Variants in FBXO11 observed in about 807,000 individuals in gnomAD.
The protein encoded by FBXO11 is F-box protein 11, also known as F-box only protein 11.
FBXO11 carries 13 observed loss-of-function variants against 117.0 expected under a neutral mutation model. That is an observed-to-expected ratio of 0.11 (90% CI 0.07 to 0.18). The LOEUF (loss-of-function observed/expected upper bound fraction) is 0.18. FBXO11 is among the 10% of genes least tolerant of loss of function. FBXO11 has a pLI of 1.00. For missense variants in FBXO11, 767 were observed against 1,164.4 expected (o/e 0.66, Z 4.97); for synonymous variants, 490 against 380.5 (o/e 1.29, Z -3.35).
intron 15 of FBXO11, 21 bp from the exon 16 acceptor site, chr2:47,818,885 A>AG: frequency 6.3e-7 from 1 of 1,576,402 alleles, no homozygotes; most frequent in East Asian, 2.2e-5. Flanking sequence ...AAAAAAAAAA[A>AG]AAAGCTTTTT....
At chr2:47,858,815 C>T (rs949672227) in intron 1 of FBXO11, among the ~76,000 whole-genome samples, 11 of 151,220 alleles carry the variant, frequency 7.3e-5, no homozygotes, top group East Asian at 1.9e-4. Flanking sequence ...GAGGCCAAGA[C>T]GGTTGGATCA....
At chr2:47,868,848 A>T (rs1466548423) in intron 1 of FBXO11, among the ~76,000 whole-genome samples, 1 of 152,144 alleles carries the variant, frequency 6.6e-6, no homozygotes, top group Non-Finnish European at 1.5e-5. Context: ...ATTACACTGG[A>T]CCATTTCCAT....
chr2:47,898,853 G>GA (rs1385294790), intron 1 of FBXO11, among the ~76,000 whole-genome samples: 1 of 151,994 alleles, frequency 6.6e-6, no homozygotes, highest in Non-Finnish European at 1.5e-5. Flanking sequence ...CTTGTTTATA[G>GA]AAAGATTAGG....
At chr2:47,880,120 C>A (rs888222062) in intron 1 of FBXO11, among the ~76,000 whole-genome samples, 1 of 151,940 alleles carries the variant, frequency 6.6e-6, no homozygotes, top group African/African-American at 2.4e-5. Flanking sequence ...CACAGCCTCC[C>A]GAGTTGCTGG....
At chr2:47,817,834 A>T (rs1163044099) in intron 16 of FBXO11, among the ~76,000 whole-genome samples, 2 of 152,250 alleles carry the variant, frequency 1.3e-5, no homozygotes, top group Non-Finnish European at 2.9e-5. Context: ...TCCCAAAACA[A>T]TTACAATAGT....
At chr2:47,904,021 G>A (rs1213362869) in intron 1 of FBXO11, among the ~76,000 whole-genome samples, 2 of 152,140 alleles carry the variant, frequency 1.3e-5, no homozygotes, top group Non-Finnish European at 2.9e-5. Flanking sequence ...ATAGCAAACT[G>A]CTTTCTCTAA....
At chr2:47,904,623 A>C (rs1040977845) in intron 1 of FBXO11, among the ~76,000 whole-genome samples, 2 of 140,840 alleles carry the variant, frequency 1.4e-5, no homozygotes, top group Non-Finnish European at 3.1e-5. Context: ...CACACACACA[A>C]AATATCCCAA....
chr2:47,808,672 A>C (rs1321114392), intron 21 of FBXO11: 2 of 397,578 alleles, frequency 5.0e-6, no homozygotes, highest in East Asian at 7.9e-5. Flanking sequence ...CCACTTTAAA[A>C]GCCTCTCAAA....
chr2:47,809,821 A>C (rs984049511), intron 19 of FBXO11, 114 bp from the exon 20 acceptor site: 2 of 642,274 alleles, frequency 3.1e-6, no homozygotes, highest in Non-Finnish European at 5.4e-6. Flanking sequence ...TAACCCTCTT[A>C]ATGTCTACTG....
chr2:47,876,571 G>T (rs1026757956), intron 1 of FBXO11, among the ~76,000 whole-genome samples: 1 of 152,194 alleles, frequency 6.6e-6, no homozygotes. Flanking sequence ...GAGGAAAGAA[G>T]ATCCTTTTAT....
Position 47,832,837 on chromosome 2 carries a change from T to C in FBXO11, c.1085A>G (p.His362Arg). The C allele has an allele frequency of 6.2e-7, 1 of 1,614,056 alleles. No homozygotes were observed. The highest frequency in any genetic ancestry group is 8.5e-7 in the Non-Finnish European group (1 of 1,179,958). Residue 362 changes from histidine to arginine, a missense_variant, in exon 9 of 23, where the codon CAC becomes CGC. Coordinates refer to ENST00000403359, the MANE Select transcript of FBXO11 (RefSeq NM_001190274.2). ...DKSAQHHNAH[H>R]CLEITVNCSP... ...ACAATTTACTGTAATCTCTAAGCAG[T>C]GGTGTGCATTGTGGTGTTGTGCAGA...
Position 47,807,663 on chromosome 2 carries a change from A to T in FBXO11, c.*455T>A. ...AAATCATATTTCTCAATCTGAATACATGTTAAAAAAAAAAAATCAAAAGGA... is the reference window on the plus strand; with the variant it reads ...AAATCATATTTCTCAATCTGAATACTTGTTAAAAAAAAAAAATCAAAAGGA... On this transcript the variant is annotated 3_prime_UTR_variant, in exon 23 of 23. Transcript: ENST00000403359. 6.1e-6 allele frequency: 1 copy of T among 163,420 alleles called. No homozygotes were observed. The highest frequency in any genetic ancestry group is 1.2e-5 in the Non-Finnish European group (1 of 85,736). The allele number at this position is 163,420 out of a possible 1,614,324, so 10.1% of individuals were successfully genotyped here. A position where few individuals can be genotyped will look rare whatever the true frequency, so the allele number is the denominator to read the frequency against.
intron 1 of FBXO11, among the ~76,000 whole-genome samples, chr2:47,881,023 G>A (rs754300081): frequency 6.6e-6 from 1 of 152,148 alleles, no homozygotes; most frequent in African/African-American, 2.4e-5. Context: ...GGGAGGCTGA[G>A]GTGGGCAGAT....
chr2:47,829,351 T>C (rs1457513760), intron 11 of FBXO11, among the ~76,000 whole-genome samples: 1 of 152,054 alleles, frequency 6.6e-6, no homozygotes, highest in Non-Finnish European at 1.5e-5. Flanking sequence ...AGCGATTCTC[T>C]TGCCTTAGCC....
intron 1 of FBXO11, among the ~76,000 whole-genome samples, chr2:47,890,590 G>C (rs755547054): frequency 6.6e-6 from 1 of 151,976 alleles, no homozygotes; most frequent in African/African-American, 2.4e-5. Context: ...GACCACCTGA[G>C]GTCAGGAGTT....
intron 1 of FBXO11, 195 bp downstream of exon 1, chr2:47,905,294 A>C: frequency 1.6e-4 from 55 of 354,326 alleles, no homozygotes; most frequent in East Asian, 4.5e-4. Context: ...CGAGAAGGGA[A>C]GCCGCGGCTT....
rs563940756 is a variant in FBXO11, at chr2:47,817,732, G to C, written c.2006+1047C>G. Among the ~76,000 whole-genome samples the C allele has an allele frequency of 3.4e-4, 52 of 152,322 alleles. No individual in the cohort carries two copies. In the South Asian group the frequency reaches 0.01, roughly 30 times the overall value. On this transcript the variant is annotated intron_variant, in intron 16 of 22. Transcript: ENST00000403359. ...AGGCAATAGGGAAGCCTGAGGAGAG[G>C]GACAGAGATGGGAATGGCTGCTTGG...
intron 1 of FBXO11, among the ~76,000 whole-genome samples, chr2:47,904,730 T>G (rs929654057): frequency 6.7e-6 from 1 of 148,188 alleles, no homozygotes; most frequent in East Asian, 2.0e-4. Context: ...GGCGAGGGGG[T>G]GTCGATAGAG....
At chr2:47,839,582 T>G in intron 2 of FBXO11, 60 bp downstream of exon 2, 3 of 1,603,790 alleles carry the variant, frequency 1.9e-6, no homozygotes, top group East Asian at 2.2e-5. Flanking sequence ...TGACATTCCC[T>G]TTTTTGTTTC....
Sources: gnomAD v4.1 joint callset for allele counts (sites outside exome capture counted in the v4.1 genomes callset) on GRCh38, gnomAD v4.1.1 for gene constraint, MANE v1.5 for transcripts, NCBI Gene and HGNC (gene_info 2026-07-23, HGNC 2026-07-21) for gene names.